The following PPIP5K2 variants were observed in gnomAD, a reference collection of about 807,000 sequenced individuals.
PPIP5K2 encodes diphosphoinositol pentakisphosphate kinase 2, also known as inositol hexakisphosphate and diphosphoinositol-pentakisphosphate kinase 2.
In PPIP5K2, 105 loss-of-function variants were observed where a neutral mutation model predicts 154.6. The observed-to-expected ratio is 0.68, with a 90% confidence interval of 0.58 to 0.80. PPIP5K2 has a LOEUF of 0.80. Among genes scored for constraint, PPIP5K2 ranks in the 30% least tolerant of loss-of-function variants. The pLI, the probability that PPIP5K2 is intolerant of heterozygous loss-of-function variation, is 0.00. For missense variants in PPIP5K2, 992 were observed against 1,504.6 expected (o/e 0.66, Z 5.64); for synonymous variants, 480 against 490.3 (o/e 0.98, Z 0.28).
chr5:103,179,694 C>A (rs1554221963), intron 23 of PPIP5K2, among the ~76,000 whole-genome samples: 2 of 152,044 alleles, frequency 1.3e-5, no homozygotes, highest in African/African-American at 4.8e-5. Context: ...TTATTTCTTA[C>A]TGTCATTTAT....
intron 5 of PPIP5K2, among the ~76,000 whole-genome samples, chr5:103,143,904 T>G (rs556541180): frequency 6.6e-6 from 1 of 152,154 alleles, no homozygotes; most frequent in South Asian, 2.1e-4. Flanking sequence ...TTCATCTCTT[T>G]TATTCAACAT....
chr5:103,127,405 T>A (rs1554201090), intron 1 of PPIP5K2, among the ~76,000 whole-genome samples: 1 of 152,242 alleles, frequency 6.6e-6, no homozygotes. Context: ...TTGGCTATCT[T>A]CCTACTAGAC....
chr5:103,195,069 A>G, intron 30 of PPIP5K2, 44 bp downstream of exon 30: 1 of 1,593,124 alleles, frequency 6.3e-7, no homozygotes, highest in Non-Finnish European at 8.5e-7. Context: ...CACAGAAATT[A>G]GAGGAATAGT....
chr5:103,184,572 C>T, intron 25 of PPIP5K2, 100 bp from the exon 26 acceptor site: 5 of 814,648 alleles, frequency 6.1e-6, no homozygotes, highest in Non-Finnish European at 9.9e-6. Flanking sequence ...TATCATACAG[C>T]TTATTAACCT....
At chr5:103,167,562 A>T (rs1452019557) in intron 18 of PPIP5K2, among the ~76,000 whole-genome samples, 10 of 152,022 alleles carry the variant, frequency 6.6e-5, no homozygotes, top group Non-Finnish European at 1.2e-4. Flanking sequence ...GCATTGCTAT[A>T]TAGTTAAGCA....
chr5:103,170,381 A>G (rs1189441564), intron 19 of PPIP5K2, among the ~76,000 whole-genome samples: 1 of 151,502 alleles, frequency 6.6e-6, no homozygotes, highest in Non-Finnish European at 1.5e-5. Context: ...ATTAGGTTAG[A>G]TTTTCATGAC....
At chr5:103,181,118 A>G (rs931875766) in intron 24 of PPIP5K2, among the ~76,000 whole-genome samples, 6 of 152,208 alleles carry the variant, frequency 3.9e-5, no homozygotes, top group Non-Finnish European at 8.8e-5. Flanking sequence ...AGCAGTTAGA[A>G]TGAAGCTTGT....
In PPIP5K2 at chr5:103,138,417, T is replaced by C; in HGVS notation, c.435T>C (p.Gly145=). 2 of 1,605,294 alleles carry C rather than the reference T, an allele frequency of 1.2e-6. No homozygotes were observed. Among genetic ancestry groups the C allele is most frequent in the East Asian group, 2.2e-5 (1 of 44,562 alleles). The change falls in exon 5 of 31, where the codon GGT becomes GGC. Residue 145 remains glycine, a synonymous_variant. Coordinates refer to ENST00000358359, the MANE Select transcript of PPIP5K2 (RefSeq NM_001276277.3). The part of the protein sequence containing the change: ...REVYSILQAE[G]ILLPRYAILN... ...TATATAGTATTCTTCAAGCTGAAGG[T>C]ATTTTACTTCCTCGTTATGCTATTT...
intron 4 of PPIP5K2, 83 bp downstream of exon 4, chr5:103,136,905 G>A: frequency 2.1e-6 from 2 of 943,230 alleles, no homozygotes; most frequent in South Asian, 2.8e-5. Context: ...GGCATCAGGT[G>A]TTTTTGCATT....
In PPIP5K2 at chr5:103,202,013, A is replaced by G. The variant is rs1192509617; in HGVS notation, c.*379A>G. 1 of 158,648 alleles carries G rather than the reference A, an allele frequency of 6.3e-6. No individual in the cohort carries two copies. Among genetic ancestry groups the G allele is most frequent in the Non-Finnish European group, 1.4e-5 (1 of 72,442 alleles). 9.8% of individuals were successfully genotyped at this position (158,648 alleles called of 1,614,324 possible). On this transcript the variant is annotated 3_prime_UTR_variant, in exon 31 of 31. Transcript: ENST00000358359. Reference sequence around the variant, plus strand: ...TTCATGGGATTGCATCTTAGCTGTTAAAACTTCTAGATTGAAATTTGACAG... The same window carrying G: ...TTCATGGGATTGCATCTTAGCTGTTGAAACTTCTAGATTGAAATTTGACAG...
At position 103,201,741 on chromosome 5, in the gene PPIP5K2, TTTC is replaced by T. The variant is rs1803057026; in HGVS notation, c.*110_*112del. The T allele has an allele frequency of 1.2e-6, 1 of 828,152 alleles. No homozygotes were observed. Among genetic ancestry groups the T allele is most frequent in the African/African-American group, 1.8e-5 (1 of 56,184 alleles). The allele number at this position is 828,152 out of a possible 1,614,324, so 51.3% of individuals were successfully genotyped here. On this transcript the variant is annotated 3_prime_UTR_variant, in exon 31 of 31. Coordinates refer to ENST00000358359, the MANE Select transcript of PPIP5K2 (RefSeq NM_001276277.3). ...TTAAAAATGTTTTTAAATCTAAGGT[TTTC>T]TTTGTTTATGTTCAGGTAAGGAACT... is the stretch of plus-strand genomic sequence containing the variant.
Position 103,168,118 on chromosome 5 carries a change from A to G in PPIP5K2, c.2109A>G (p.Arg703=), listed in dbSNP as rs1554218501. 6.2e-7 allele frequency: 1 copy of G among 1,610,410 alleles called. No homozygotes were observed. The highest frequency in any genetic ancestry group is 1.1e-5 in the South Asian group (1 of 90,950). ...AAACATTGGAGCTTATGCTACGTAG[A>G]TGGTCCAAGTTAGAGAAAGACTTTA... ...HSETLELMLR[R]WSKLEKDFKT... Residue 703 remains arginine (R), a synonymous_variant, in exon 19 of 31, where the codon AGA becomes AGG. Transcript: ENST00000358359.
chr5:103,210,971 T>G lies in PPIP5K2; in HGVS notation c.*9337T>G, dbSNP rs1482663724. On this transcript the variant is annotated 3_prime_UTR_variant, in exon 31 of 31. Transcript: ENST00000358359. ...AATTACATACAACTAGTATACATAT[T>G]TAGAGGTGCTGTAGTCTTCTAGACT... 1.3e-5 allele frequency: 2 copies of G among 152,108 alleles called. No individual in the cohort carries two copies. The highest frequency in any genetic ancestry group is 4.8e-5 in the African/African-American group (2 of 41,442). The allele number at this position is 152,108 out of a possible 1,614,324, so 9.4% of individuals were successfully genotyped here.
intron 5 of PPIP5K2, among the ~76,000 whole-genome samples, chr5:103,142,331 G>A (rs1562394818): frequency 6.6e-6 from 1 of 152,148 alleles, no homozygotes; most frequent in African/African-American, 2.4e-5. Context: ...CGAGTGCGGG[G>A]CCCGCCAAGC....
chr5:103,183,442 C>G (rs1799888084), intron 25 of PPIP5K2, 35 bp downstream of exon 25: 1 of 1,558,824 alleles, frequency 6.4e-7, no homozygotes, highest in African/African-American at 1.4e-5. Context: ...CATTTTTCCT[C>G]CCTGCATTCA....
chr5:103,120,483 T>A lies in PPIP5K2; in HGVS notation c.-290T>A, dbSNP rs1554198614. ...ACTGCTCGCGTGACGACCGCATTCGTGGCAGGTGAGGGCCCAAAACCGGAG... is the reference window on the plus strand; with the variant it reads ...ACTGCTCGCGTGACGACCGCATTCGAGGCAGGTGAGGGCCCAAAACCGGAG... On this transcript the variant is annotated 5_prime_UTR_variant, in exon 1 of 31. Coordinates refer to ENST00000358359, the MANE Select transcript of PPIP5K2 (RefSeq NM_001276277.3). 1 of 456,650 alleles carries A rather than the reference T, an allele frequency of 2.2e-6. No individual in the cohort carries two copies. Among genetic ancestry groups the A allele is most frequent in the Non-Finnish European group, 4.4e-6 (1 of 226,960 alleles). 28.3% of individuals were successfully genotyped at this position (456,650 alleles called of 1,614,324 possible).
intron 3 of PPIP5K2, among the ~76,000 whole-genome samples, chr5:103,135,079 C>A (rs1175054191): frequency 6.6e-6 from 1 of 152,070 alleles, no homozygotes; most frequent in Non-Finnish European, 1.5e-5. Context: ...TAGTTGAATA[C>A]TAAAGTTATG....
chr5:103,152,798 G>A (rs1794830793), intron 10 of PPIP5K2, 49 bp downstream of exon 10: 1 of 1,219,950 alleles, frequency 8.2e-7, no homozygotes. Flanking sequence ...CTTGCCATCT[G>A]TGCTATTAGG....
At chr5:103,139,639 A>G (rs1792210639) in intron 5 of PPIP5K2, among the ~76,000 whole-genome samples, 1 of 152,234 alleles carries the variant, frequency 6.6e-6, no homozygotes. Context: ...GTCTACAAGC[A>G]TCAAGAACAT....
Sources: gnomAD v4.1 joint callset for allele counts (sites outside exome capture counted in the v4.1 genomes callset) on GRCh38, gnomAD v4.1.1 for gene constraint, MANE v1.5 for transcripts, NCBI Gene and HGNC (gene_info 2026-07-23, HGNC 2026-07-21) for gene names.